Variants in TTLL13 observed in about 807,000 individuals in gnomAD.
TTLL13 encodes the protein tubulin polyglutamylase TTLL13.
chr15:90,258,127 C>G, the TTLL13 span: 1 of 1,614,242 alleles, frequency 6.2e-7, no homozygotes, highest in South Asian at 1.1e-5. Flanking sequence ...ATCATCAAAA[C>G]CATCATCTCA....
the TTLL13 span, chr15:90,262,186 T>C: frequency 6.5e-7 from 1 of 1,530,904 alleles, no homozygotes; most frequent in Non-Finnish European, 8.7e-7. Context: ...GAGAGGAGTG[T>C]GCCAGGTACT....
chr15:90,262,389 G>C, the TTLL13 span: 1 of 1,299,448 alleles, frequency 7.7e-7, no homozygotes, highest in African/African-American at 1.5e-5. Context: ...TCAGTCCTAA[G>C]AACAGATTGT....
At chr15:90,253,008 C>T in the TTLL13 span, among the ~76,000 whole-genome samples, 1 of 152,058 alleles carries the variant, frequency 6.6e-6, no homozygotes, top group East Asian at 1.9e-4. Context: ...AAAAAACAAA[C>T]AAACAAACAA....
the TTLL13 span, among the ~76,000 whole-genome samples, chr15:90,251,152 C>T: frequency 1.5e-4 from 18 of 117,822 alleles, 3 homozygotes; most frequent in South Asian, 4.1e-3. Context: ...CTCGCTCTGT[C>T]GCCCAGGCTG....
At chr15:90,264,947 A>C in the TTLL13 span, 1 of 1,535,944 alleles carries the variant, frequency 6.5e-7, no homozygotes, top group South Asian at 1.2e-5. Context: ...AGCACTCCTC[A>C]ACATCAATCA....
the TTLL13 span, chr15:90,257,827 A>G: frequency 5.0e-6 from 6 of 1,194,608 alleles, no homozygotes; most frequent in Non-Finnish European, 7.3e-6. Context: ...GCCCAGGGAA[A>G]CTCAGCCTTT....
chr15:90,254,309 AG>A, the TTLL13 span, among the ~76,000 whole-genome samples: 1 of 152,030 alleles, frequency 6.6e-6, no homozygotes, highest in Non-Finnish European at 1.5e-5. Flanking sequence ...CCTGACCAAC[AG>A]GGTAAAACCC....
chr15:90,250,684 A>G, the TTLL13 span: 1 of 1,614,150 alleles, frequency 6.2e-7, no homozygotes, highest in Non-Finnish European at 8.5e-7. Flanking sequence ...ATGTTGAGGA[A>G]AAGGAATCTG....
the TTLL13 span, chr15:90,265,350 A>G: frequency 8.2e-7 from 1 of 1,224,406 alleles, no homozygotes; most frequent in Non-Finnish European, 1.0e-6. Flanking sequence ...TGTCGCCGTC[A>G]GAAGACTGCC....
chr15:90,262,006 G>C, the TTLL13 span: 17 of 1,531,276 alleles, frequency 1.1e-5, no homozygotes, highest in East Asian at 4.2e-4. Flanking sequence ...CTTTCCACAG[G>C]AAAGAAAAAA....
chr15:90,260,994 T>C, the TTLL13 span, among the ~76,000 whole-genome samples: 1 of 152,152 alleles, frequency 6.6e-6, no homozygotes, highest in Non-Finnish European at 1.5e-5. Flanking sequence ...AACATGCTAA[T>C]TGCATAGTAA....
the TTLL13 span, chr15:90,250,958 G>A: frequency 6.5e-7 from 1 of 1,541,100 alleles, no homozygotes; most frequent in Non-Finnish European, 8.7e-7. Flanking sequence ...TTCAACATCT[G>A]GAGGAGCTGG....
At chr15:90,253,227 A>G in the TTLL13 span, 1 of 1,596,166 alleles carries the variant, frequency 6.3e-7, no homozygotes, top group Non-Finnish European at 8.6e-7. Context: ...TGCTGGCACT[A>G]CTGATCTCCC....
chr15:90,251,000 A>G, the TTLL13 span: 1 of 1,383,548 alleles, frequency 7.2e-7, no homozygotes, highest in Non-Finnish European at 9.8e-7. Flanking sequence ...CCTACAAAAG[A>G]GGACAGGAAA....
At chr15:90,265,398 C>T in the TTLL13 span, 4 of 1,255,306 alleles carry the variant, frequency 3.2e-6, no homozygotes, top group Non-Finnish European at 4.0e-6. Context: ...CGGAGACAGG[C>T]AGGCCTGGGC....
chr15:90,264,665 T>C, the TTLL13 span: 1 of 1,513,406 alleles, frequency 6.6e-7, no homozygotes, highest in Non-Finnish European at 8.8e-7. Flanking sequence ...GGGAAAGAGG[T>C]GAACAAATCT....
the TTLL13 span, chr15:90,255,845 G>A: frequency 6.2e-7 from 1 of 1,614,178 alleles, no homozygotes; most frequent in Non-Finnish European, 8.5e-7. Flanking sequence ...CTATCCCTCT[G>A]AGTACAACAT....
At chr15:90,252,043 C>CTTTT in the TTLL13 span, among the ~76,000 whole-genome samples, 3 of 133,474 alleles carry the variant, frequency 2.2e-5, 1 homozygote, top group South Asian at 2.5e-4. Flanking sequence ...TCACCTAATT[C>CTTTT]TTTTTTTTTT....
At chr15:90,252,942 G>A in the TTLL13 span, among the ~76,000 whole-genome samples, 4 of 152,200 alleles carry the variant, frequency 2.6e-5, no homozygotes, top group Non-Finnish European at 5.9e-5. Context: ...GGCGGAGGTT[G>A]CAGTGAGCCA....
Sources: allele counts gnomAD v4.1 joint callset (sites outside exome capture counted in the v4.1 genomes callset), GRCh38; gene constraint gnomAD v4.1.1; transcripts MANE v1.5; gene names NCBI Gene and HGNC (gene_info 2026-07-23, HGNC 2026-07-21).